Variants in CCDC148 observed in about 807,000 individuals in gnomAD.
CCDC148 encodes the protein coiled-coil domain-containing protein 148.
Under a neutral mutation model 85.7 loss-of-function variants are expected in CCDC148, and 89 were observed. The ratio of observed to expected loss-of-function variants is 1.04; its 90% CI spans 0.87 to 1.24. The LOEUF is 1.24. Among genes scored for constraint, CCDC148 ranks in the 50% most tolerant of loss-of-function variants. The pLI is 0.00. For missense variants in CCDC148, 692 were observed against 671.7 expected, an observed-to-expected ratio of 1.03 and a Z score of -0.33; for synonymous variants, 230 against 213.9, an observed-to-expected ratio of 1.08 and a Z score of -0.66.
chr2:158,288,713 G>T, intron 9 of CCDC148: 1 of 388,068 alleles, frequency 2.6e-6, no homozygotes, highest in Non-Finnish European at 5.1e-6. Flanking sequence ...TCCAACCTCT[G>T]CCTGATACCA....
At chr2:158,397,786 C>G (rs1456868854) in intron 1 of CCDC148, among the ~76,000 whole-genome samples, 1 of 152,008 alleles carries the variant, frequency 6.6e-6, no homozygotes, top group African/African-American at 2.4e-5. Flanking sequence ...ACAATATTAA[C>G]CTTAAAAGTA....
chr2:158,174,758 T>C (rs1036545614), intron 13 of CCDC148, among the ~76,000 whole-genome samples: 1 of 152,052 alleles, frequency 6.6e-6, no homozygotes, highest in Non-Finnish European at 1.5e-5. Context: ...CAATGCTAAG[T>C]ACTTGTGAAA....
intron 3 of CCDC148, 39 bp downstream of exon 3, chr2:158,345,176 T>C (rs1240083195): frequency 8.6e-6 from 12 of 1,389,972 alleles, no homozygotes; most frequent in Admixed American, 1.8e-5. Flanking sequence ...CTATTCCTAG[T>C]AATTCCTACG....
intron 7 of CCDC148, among the ~76,000 whole-genome samples, chr2:158,326,228 C>A (rs1692766929): frequency 6.6e-6 from 1 of 152,144 alleles, no homozygotes; most frequent in African/African-American, 2.4e-5. Context: ...AATATTTTTA[C>A]CCAAATATCT....
At position 158,431,312 on chromosome 2, in the gene CCDC148, C is replaced by A. The variant is rs373891282; in HGVS notation, c.25+25103G>T. ...TAATCAAATTGTTAAAAAAAACTGT[C>A]ATAAAAAAATCTTAAAAACTTCTAG... On this transcript the variant is annotated intron_variant, in intron 1 of 13. Coordinates refer to ENST00000283233, the MANE Select transcript of CCDC148 (RefSeq NM_138803.4). 1.5e-4 allele frequency among the ~76,000 whole-genome samples: 23 copies of A among 151,534 alleles called. 2 individuals are homozygous for A. In the South Asian group the frequency reaches 1.7e-3, roughly 11 times the overall value.
intron 7 of CCDC148, among the ~76,000 whole-genome samples, chr2:158,321,995 TCCAATGC>T (rs1203453908): frequency 6.6e-6 from 1 of 152,164 alleles, no homozygotes; most frequent in African/African-American, 2.4e-5. Flanking sequence ...GACGGCAATC[TCCAATGC>T]CCTGATCTCC....
intron 2 of CCDC148, among the ~76,000 whole-genome samples, chr2:158,354,118 GA>G (rs1683485807): frequency 6.6e-6 from 1 of 151,508 alleles, no homozygotes; most frequent in South Asian, 2.1e-4. Flanking sequence ...GCCCACAAGA[GA>G]AAGCAGGAAA....
At chr2:158,439,501 A>C (rs1395572192) in intron 1 of CCDC148, among the ~76,000 whole-genome samples, 2 of 152,118 alleles carry the variant, frequency 1.3e-5, no homozygotes, top group Admixed American at 6.5e-5. Flanking sequence ...GGGGAGAGAT[A>C]GCATTAGGAG....
At chr2:158,283,177 T>C (rs923320673) in intron 9 of CCDC148, among the ~76,000 whole-genome samples, 12 of 152,192 alleles carry the variant, frequency 7.9e-5, no homozygotes, top group African/African-American at 2.4e-4. Context: ...ATAAAAACCC[T>C]AGACGAAAAC....
intron 1 of CCDC148, among the ~76,000 whole-genome samples, chr2:158,397,673 A>T (rs1438350921): frequency 5.3e-5 from 8 of 152,170 alleles, no homozygotes; most frequent in Non-Finnish European, 8.8e-5. Flanking sequence ...CACTGCAAAA[A>T]CATGCCAAAT....
At chr2:158,358,333 TG>T in intron 2 of CCDC148, 115 bp downstream of exon 2, 1 of 1,219,624 alleles carries the variant, frequency 8.2e-7, no homozygotes, top group Non-Finnish European at 1.1e-6. Context: ...TATTTCTACT[TG>T]GGAGTTTCTA....
At chr2:158,198,368 G>C (rs1253836973) in intron 11 of CCDC148, among the ~76,000 whole-genome samples, 3 of 152,176 alleles carry the variant, frequency 2.0e-5, no homozygotes, top group Non-Finnish European at 4.4e-5. Context: ...ATTATTAAAT[G>C]TGTAAACCAA....
chr2:158,382,878 A>G (rs1684934103), intron 1 of CCDC148, among the ~76,000 whole-genome samples: 1 of 152,074 alleles, frequency 6.6e-6, no homozygotes, highest in Non-Finnish European at 1.5e-5. Context: ...CCAAGATCAC[A>G]CTACTGCCCT....
At chr2:158,202,732 C>T in intron 11 of CCDC148, among the ~76,000 whole-genome samples, 1 of 152,176 alleles carries the variant, frequency 6.6e-6, no homozygotes, top group Admixed American at 6.5e-5. Context: ...ATAATTTCTA[C>T]ACAACACAAA....
intron 9 of CCDC148, among the ~76,000 whole-genome samples, chr2:158,301,138 T>C (rs1476725459): frequency 6.6e-6 from 1 of 152,128 alleles, no homozygotes; most frequent in African/African-American, 2.4e-5. Flanking sequence ...GGATTACATA[T>C]ATGAGCCACT....
intron 1 of CCDC148, among the ~76,000 whole-genome samples, chr2:158,444,253 C>A (rs1688067205): frequency 6.6e-6 from 1 of 151,518 alleles, no homozygotes; most frequent in Non-Finnish European, 1.5e-5. Context: ...TTATTAATTT[C>A]TTCTTCTCTA....
chr2:158,244,490 G>A (rs1688486766), intron 10 of CCDC148, among the ~76,000 whole-genome samples: 1 of 152,126 alleles, frequency 6.6e-6, no homozygotes. Context: ...TTATGGCTAT[G>A]GGCCTGTAGG....
chr2:158,282,212 T>G (rs1021866995), intron 9 of CCDC148, among the ~76,000 whole-genome samples: 1 of 152,070 alleles, frequency 6.6e-6, no homozygotes, highest in African/African-American at 2.4e-5. Flanking sequence ...CTTTGAAAAC[T>G]GGCACAAGAC....
At chr2:158,180,146 G>C (rs377281651) in intron 11 of CCDC148, among the ~76,000 whole-genome samples, 3 of 152,130 alleles carry the variant, frequency 2.0e-5, no homozygotes, top group African/African-American at 7.2e-5. Context: ...TGTGGCATCA[G>C]TCACAAATGT....
Sources: allele counts gnomAD v4.1 joint callset (sites outside exome capture counted in the v4.1 genomes callset), GRCh38; gene constraint gnomAD v4.1.1; transcripts MANE v1.5; gene names NCBI Gene and HGNC (gene_info 2026-07-23, HGNC 2026-07-21).